Variants in PDE3B observed in about 807,000 individuals in gnomAD.
The protein encoded by PDE3B is phosphodiesterase 3B.
A neutral mutation model predicts 116.8 loss-of-function variants in PDE3B; 66 were observed. The observed-to-expected ratio is 0.56, with a 90% confidence interval of 0.46 to 0.69. The LOEUF (loss-of-function observed/expected upper bound fraction) is 0.69, where lower values mean the gene tolerates loss of function less well. Ranked by LOEUF, PDE3B falls within the 30% of genes least tolerant of loss-of-function variation. The pLI is 0.00. For synonymous variants in PDE3B, 595 were observed against 533.6 expected, an observed-to-expected ratio of 1.12 and a Z score of -1.59; for missense variants, 1,384 against 1,368.1, an observed-to-expected ratio of 1.01 and a Z score of -0.18.
At chr11:14,665,699 A>G (rs974425312) in intron 1 of PDE3B, among the ~76,000 whole-genome samples, 3 of 152,234 alleles carry the variant, frequency 2.0e-5, no homozygotes, top group Admixed American at 2.0e-4. Context: ...TTCCTGGAAT[A>G]AAATACCTAG....
chr11:14,773,493 G>A (rs1157391961), intron 2 of PDE3B: 1 of 152,042 alleles, frequency 6.6e-6, no homozygotes, highest in Non-Finnish European at 1.5e-5. Context: ...ATAAAATAAG[G>A]TGAGATATTT....
At chr11:14,832,138 C>T (rs1033473797) in intron 9 of PDE3B, among the ~76,000 whole-genome samples, 3 of 151,982 alleles carry the variant, frequency 2.0e-5, no homozygotes, top group African/African-American at 7.2e-5. Flanking sequence ...ATACTTTACC[C>T]AAGGCCGGAT....
chr11:14,843,873 G>A lies in PDE3B; in HGVS notation c.2367G>A (p.Ser789=), dbSNP rs772001660. The A allele has an allele frequency of 8.1e-5, 131 of 1,613,934 alleles. No homozygotes were observed. Among genetic ancestry groups the A allele is most frequent in the Non-Finnish European group, 1.1e-4 (127 of 1,179,968 alleles). The change falls in exon 12 of 16, where the codon TCG becomes TCA. Residue 789 remains serine (S), a synonymous_variant. Coordinates refer to ENST00000282096, the MANE Select transcript of PDE3B (RefSeq NM_000922.4). ...ATGGGCGAATTGCTTATATTTCTTC[G>A]AAGAGCTGCTCTAATCCTGATGAGA... is the stretch of plus-strand genomic sequence containing the variant. ...INHGRIAYIS[S]KSCSNPDESY...
chr11:14,883,616 A>G, the PDE3B span, among the ~76,000 whole-genome samples: 34 of 152,282 alleles, frequency 2.2e-4, no homozygotes, highest in Non-Finnish European at 4.1e-4. Flanking sequence ...TTCAGGAGAT[A>G]GGCATGGGCA....
At chr11:14,839,072 G>C (rs751501664) in intron 11 of PDE3B, among the ~76,000 whole-genome samples, 1 of 152,186 alleles carries the variant, frequency 6.6e-6, no homozygotes, top group Non-Finnish European at 1.5e-5. Context: ...AATTCCTGGA[G>C]AGTGAAATGC....
At chr11:14,706,484 G>A (rs1338398832) in intron 1 of PDE3B, among the ~76,000 whole-genome samples, 1 of 151,806 alleles carries the variant, frequency 6.6e-6, no homozygotes, top group Non-Finnish European at 1.5e-5. Context: ...ATGTTGAAAG[G>A]ATTAAATGAG....
chr11:14,736,830 G>C (rs1036670989), intron 1 of PDE3B, among the ~76,000 whole-genome samples: 1 of 152,116 alleles, frequency 6.6e-6, no homozygotes, highest in East Asian at 1.9e-4. Flanking sequence ...TTAAAGGGGT[G>C]GGTTTTGATC....
intron 1 of PDE3B, among the ~76,000 whole-genome samples, chr11:14,660,995 G>A (rs1310508925): frequency 2.6e-5 from 4 of 152,164 alleles, no homozygotes; most frequent in Non-Finnish European, 1.5e-5. Flanking sequence ...AGTTAGAATG[G>A]CAGTCATTAA....
At chr11:14,669,473 TA>T (rs1047928071) in intron 1 of PDE3B, among the ~76,000 whole-genome samples, 1 of 152,156 alleles carries the variant, frequency 6.6e-6, no homozygotes, top group African/African-American at 2.4e-5. Flanking sequence ...TACCTTTTTT[TA>T]AATTATACTT....
intron 1 of PDE3B, among the ~76,000 whole-genome samples, chr11:14,702,410 C>A (rs780430405): frequency 1.3e-5 from 2 of 151,834 alleles, no homozygotes; most frequent in South Asian, 4.1e-4. Context: ...TTAGTTCTTG[C>A]AAAAGCAGAA....
rs752088851 is a variant in PDE3B, at chr11:14,681,724, A to T, written c.978+36671A>T. ...TTGCTCTTTGCTAGTATATAGAAATACAATTGAGTTTTGTGTGTTGGCTTT... is the reference window on the plus strand; with the variant it reads ...TTGCTCTTTGCTAGTATATAGAAATTCAATTGAGTTTTGTGTGTTGGCTTT... On this transcript the variant is annotated intron_variant, in intron 1 of 15. Transcript: ENST00000282096. 7.0e-4 allele frequency among the ~76,000 whole-genome samples: 106 copies of T among 152,340 alleles called. 2 individuals carry two copies. Among genetic ancestry groups the T allele is most frequent in the Middle Eastern group, 3.4e-3 (1 of 294 alleles).
At position 14,870,729 on chromosome 11, in the gene PDE3B, A is replaced by G. The variant is rs1848128822; in HGVS notation, c.*1069A>G. The stretch of plus-strand genomic sequence containing the variant: ...TCCCTCTGCCTAAAGACTACATGAC[A>G]GAAATGACCTATCACTACTTATTAT... On this transcript the variant is annotated 3_prime_UTR_variant, in exon 16 of 16. Transcript: ENST00000282096. The surrounding 1 kb of genome is among the most constrained non-coding windows in gnomAD (Gnocchi z 4.1). 6.6e-6 allele frequency: 1 copy of G among 152,224 alleles called. No homozygotes were observed. The highest frequency in any genetic ancestry group is 2.4e-5 in the African/African-American group (1 of 41,460). The allele number at this position is 152,224 out of a possible 1,614,324, so 9.4% of individuals were successfully genotyped here. A position where few individuals can be genotyped will look rare whatever the true frequency, so the allele number is the denominator to read the frequency against.
chr11:14,886,133 A>G, the PDE3B span: 1 of 566,462 alleles, frequency 1.8e-6, no homozygotes, highest in African/African-American at 1.9e-5. Context: ...GCCTAAAGTC[A>G]CAGTCTTACC....
intron 1 of PDE3B, among the ~76,000 whole-genome samples, chr11:14,658,156 A>G (rs902517024): frequency 6.6e-6 from 1 of 152,144 alleles, no homozygotes; most frequent in African/African-American, 2.4e-5. Context: ...TAAACTTACC[A>G]GTCAGGTAAG....
chr11:14,757,801 A>C (rs1042176906), intron 1 of PDE3B, among the ~76,000 whole-genome samples: 2 of 150,252 alleles, frequency 1.3e-5, no homozygotes, highest in African/African-American at 4.9e-5. Flanking sequence ...GAAGCTCTTG[A>C]GTTTAATTAG....
At chr11:14,844,479 TG>T in intron 12 of PDE3B, among the ~76,000 whole-genome samples, 1 of 152,276 alleles carries the variant, frequency 6.6e-6, no homozygotes, top group South Asian at 2.1e-4. Flanking sequence ...TGCCAGACAG[TG>T]GGCACAGGAC....
chr11:14,878,287 A>G, the PDE3B span: 7 of 1,612,868 alleles, frequency 4.3e-6, no homozygotes, highest in South Asian at 5.5e-5. Flanking sequence ...CTCCAAGACA[A>G]TGTCTTCTTC....
At chr11:14,847,916 G>A (rs2065988660) in intron 12 of PDE3B, among the ~76,000 whole-genome samples, 1 of 152,052 alleles carries the variant, frequency 6.6e-6, no homozygotes, top group Non-Finnish European at 1.5e-5. Context: ...GGTACAAGGA[G>A]GAACTGGTAC....
intron 1 of PDE3B, among the ~76,000 whole-genome samples, chr11:14,721,978 A>G (rs1180980166): frequency 6.6e-6 from 1 of 151,628 alleles, no homozygotes; most frequent in Non-Finnish European, 1.5e-5. Context: ...AATACTGTGC[A>G]GCCGTAAAAA....
Sources: gnomAD v4.1 joint callset for allele counts (sites outside exome capture counted in the v4.1 genomes callset) on GRCh38, gnomAD v4.1.1 for gene constraint, Gnocchi (gnomAD v3.1) non-coding constraint, MANE v1.5 for transcripts, NCBI Gene and HGNC (gene_info 2026-07-23, HGNC 2026-07-21) for gene names.